DNMBP: variants seen among roughly 807,000 people sequenced by gnomAD.
The protein encoded by DNMBP is dynamin-binding protein.
DNMBP carries 87 observed loss-of-function variants against 150.0 expected under a neutral mutation model. The ratio of observed to expected loss-of-function variants is 0.58; its 90% CI spans 0.49 to 0.69. The LOEUF is 0.69. DNMBP is among the 30% of genes least tolerant of loss of function. The pLI is 0.00. For synonymous variants in DNMBP, 711 were observed against 750.4 expected (o/e 0.95, Z 0.86); for missense variants, 1,774 against 1,949.0 (o/e 0.91, Z 1.69).
intron 4 of DNMBP, among the ~76,000 whole-genome samples, chr10:99,946,201 A>G (rs888793744): frequency 1.3e-5 from 2 of 152,184 alleles, no homozygotes; most frequent in African/African-American, 4.8e-5. Flanking sequence ...CAAGTCATCC[A>G]TCCGCCTCGG....
In DNMBP at chr10:99,880,319, T is replaced by C. The variant is rs543958442; in HGVS notation, c.4040A>G (p.Asn1347Ser). Residue 1347 changes from asparagine (N) to serine (S), a missense_variant, in exon 16 of 17, where the codon AAT (asparagine) becomes AGT (serine). Asn to Ser is a conservative substitution (Grantham distance 46). Around this residue, in one of 2 missense-constraint regions of DNMBP, gnomAD observed 1,430 missense variants for 1,492.5 expected, o/e 0.96. Coordinates refer to ENST00000324109, the MANE Select transcript of DNMBP (RefSeq NM_015221.4). ...FVYSSFLKPYNPRRSHSDASV... is the reference protein window; with the variant it reads ...FVYSSFLKPYSPRRSHSDASV... ...GGCATCGGAGTGGCTGCGGCGAGGA[T>C]TGTAGGGCTTTAGGAAAGAGCTGTA... is the stretch of plus-strand genomic sequence containing the variant. 185 of 1,609,892 alleles carry C rather than the reference T, an allele frequency of 1.1e-4. No individual in the cohort carries two copies. Among genetic ancestry groups the C allele is most frequent in the Non-Finnish European group, 1.5e-4 (179 of 1,178,792 alleles).
chr10:99,898,435 T>C (rs2039691187), intron 8 of DNMBP, 150 bp from the exon 9 acceptor site: 4 of 725,494 alleles, frequency 5.5e-6, no homozygotes, highest in Admixed American at 2.2e-5. Context: ...AATATTGCTC[T>C]CTATTCTTTT....
chr10:99,989,303 G>C (rs1243154582), intron 1 of DNMBP, among the ~76,000 whole-genome samples: 1 of 152,204 alleles, frequency 6.6e-6, no homozygotes, highest in African/African-American at 2.4e-5. Context: ...CAGGCTTTCA[G>C]CCATTATTTT....
intron 4 of DNMBP, chr10:99,930,460 T>A (rs1449064461): frequency 1.4e-6 from 1 of 703,016 alleles, no homozygotes; most frequent in Non-Finnish European, 2.6e-6. Context: ...TTTTCTGGAC[T>A]CCTATAACCA....
At position 99,888,924 on chromosome 10, in the gene DNMBP, A is replaced by G; in HGVS notation, c.3186T>C (p.Ala1062=). ...CCATGCACACATCCCACATGCTCAC[A>G]GCAGCCACCACTTTCACACATGCGG... is the stretch of plus-strand genomic sequence containing the variant. ...RESACVKVVA[A]VSMWDVCMER... Residue 1062 remains alanine, a synonymous_variant, in exon 12 of 17, where the codon GCT becomes GCC. Coordinates refer to ENST00000324109, the MANE Select transcript of DNMBP (RefSeq NM_015221.4). 6.2e-7 allele frequency: 1 copy of G among 1,614,164 alleles called. No homozygotes were observed. Among genetic ancestry groups the G allele is most frequent in the Non-Finnish European group, 8.5e-7 (1 of 1,180,012 alleles).
chr10:99,915,894 C>A (rs2039960575), intron 4 of DNMBP, among the ~76,000 whole-genome samples: 1 of 152,156 alleles, frequency 6.6e-6, no homozygotes, highest in Non-Finnish European at 1.5e-5. Context: ...TTCAACCTAC[C>A]TTGGCTCCAG....
Position 99,879,833 on chromosome 10 carries a change from C to T in DNMBP, c.4526G>A (p.Gly1509Asp). Residue 1509 changes from glycine (G) to aspartate (D), a missense_variant, in exon 16 of 17, where the codon GGC (glycine) becomes GAC (aspartate). Physicochemically the swap from Gly to Asp is moderately conservative, Grantham distance 94. Around this residue, in one of 2 missense-constraint regions of DNMBP, gnomAD observed 1,430 missense variants for 1,492.5 expected, o/e 0.96. Transcript: ENST00000324109. Reference sequence around the variant, plus strand: ...CACCTGGTTGCCTTCTGCCTCACTGCCATCTGGCTCTGTACTTCTGTCTTC... The same window carrying T: ...CACCTGGTTGCCTTCTGCCTCACTGTCATCTGGCTCTGTACTTCTGTCTTC... The part of the protein sequence containing the change: ...APEDRSTEPD[G>D]SEAEGNQVYF... The T allele has an allele frequency of 6.2e-7, 1 of 1,614,200 alleles. No homozygotes were observed. Among genetic ancestry groups the T allele is most frequent in the Non-Finnish European group, 8.5e-7 (1 of 1,180,018 alleles).
chr10:99,893,974 T>A (rs945327916), intron 11 of DNMBP, among the ~76,000 whole-genome samples: 2 of 152,176 alleles, frequency 1.3e-5, no homozygotes, highest in South Asian at 2.1e-4. Flanking sequence ...AACTTTTTTT[T>A]TAAAAAAGTT....
rs865940701 is a variant in DNMBP at position 99,982,441 on chromosome 10, C to T, written c.-10-10307G>A. Among the ~76,000 whole-genome samples the T allele has an allele frequency of 2.3e-4, 35 of 151,554 alleles. No homozygotes were observed. The Middle Eastern group carries it at 0.01, about 44-fold the overall frequency. The stretch of plus-strand genomic sequence containing the variant: ...CCTGGGCAACAGAGCGAGACCCTGT[C>T]TCAAAAAATAAATAAATAAATAAAT... On this transcript the variant is annotated intron_variant, in intron 1 of 16. Transcript: ENST00000324109.
rs780193965 is a variant in DNMBP at position 99,880,133 on chromosome 10, G to A, written c.4226C>T (p.Pro1409Leu). 2.7e-5 allele frequency: 44 copies of A among 1,614,006 alleles called. No individual in the cohort carries two copies. Among genetic ancestry groups the A allele is most frequent in the Middle Eastern group, 1.6e-4 (1 of 6,084 alleles). Residue 1409 changes from proline (P) to leucine (L), a missense_variant, in exon 16 of 17, where the codon CCG (proline) becomes CTG (leucine). Transcript: ENST00000324109. ...AGTTCCTTGGTCACATTCTTTTGGC[G>A]GAGGAGATGCATCTTGAGGCTGCTT... ...CQKQPQDASPPPKECDQGTLS... is the reference protein window; with the variant it reads ...CQKQPQDASPLPKECDQGTLS...
chr10:99,897,912 C>CA (rs950770294), intron 9 of DNMBP, 174 bp downstream of exon 9: 43 of 615,156 alleles, frequency 7.0e-5, no homozygotes, highest in Admixed American at 3.0e-4. Context: ...GACTCTGTCT[C>CA]AAAAAAAATA....
intron 10 of DNMBP, among the ~76,000 whole-genome samples, 198 bp downstream of exon 10, chr10:99,896,069 T>C (rs940557026): frequency 2.0e-5 from 3 of 152,184 alleles, no homozygotes; most frequent in African/African-American, 7.2e-5. Context: ...AAAACTACCA[T>C]AATTATTACA....
At chr10:99,915,652 T>C (rs1185374021) in intron 4 of DNMBP, among the ~76,000 whole-genome samples, 2 of 152,052 alleles carry the variant, frequency 1.3e-5, no homozygotes, top group South Asian at 2.1e-4. Flanking sequence ...GAGGTTGAGG[T>C]TGCAGTGATC....
chr10:99,968,355 C>A (rs898430750), intron 3 of DNMBP, among the ~76,000 whole-genome samples: 2 of 152,052 alleles, frequency 1.3e-5, no homozygotes, highest in Admixed American at 6.6e-5. Flanking sequence ...CCTCCGCCCA[C>A]GCCCCGTATC....
intron 4 of DNMBP, chr10:99,930,743 A>G: frequency 1.5e-6 from 1 of 676,530 alleles, no homozygotes; most frequent in Non-Finnish European, 2.7e-6. Context: ...TTTCTTTTCT[A>G]GCCTTCTGGG....
rs2039340750 is a variant in DNMBP at position 99,880,054 on chromosome 10, A to G, written c.4305T>C (p.Pro1435=). The part of the protein sequence containing the change: ...SNSESSPSRC[P]SDPDSTSQPR... ...GCTGGGAGGTGGAGTCTGGGTCTGAAGGGCATCTGGAAGGACTACTCTCTG... is the reference window on the plus strand; with the variant it reads ...GCTGGGAGGTGGAGTCTGGGTCTGAGGGGCATCTGGAAGGACTACTCTCTG... Residue 1435 remains proline (P), a synonymous_variant, in exon 16 of 17, where the codon CCT becomes CCC. Transcript: ENST00000324109. 3 of 1,614,046 alleles carry G rather than the reference A, an allele frequency of 1.9e-6. No homozygotes were observed. The African/African-American group carries it at 4.0e-5, about 22-fold the overall frequency.
chr10:100,005,502 C>T (rs2041058368), intron 1 of DNMBP, among the ~76,000 whole-genome samples: 3 of 152,012 alleles, frequency 2.0e-5, no homozygotes, highest in Admixed American at 2.0e-4. Context: ...ACCTGTAATC[C>T]CAGTACTTTG....
Position 99,956,477 on chromosome 10 carries a change from C to T in DNMBP, c.997G>A (p.Gly333Arg). Residue 333 changes from glycine to arginine, a missense_variant, in exon 4 of 17, where the codon GGA becomes AGA. This residue lies in a region of DNMBP where 344 missense variants were observed against 456.6 expected (regional missense o/e 0.75). Transcript: ENST00000324109. ...TSLDCLENTL[G>R]VEEQRHETSD... ...GTTTCATGTCTTTGTTCCTCTACTC[C>T]TAAGGTGTTCTCCAAACAATCCAAA... 3 of 1,614,042 alleles carry T rather than the reference C, an allele frequency of 1.9e-6. No homozygotes were observed. The highest frequency in any genetic ancestry group is 4.5e-5 in the East Asian group (2 of 44,896).
chr10:99,988,560 G>A lies in DNMBP; in HGVS notation c.-10-16426C>T, dbSNP rs111641891. On this transcript the variant is annotated intron_variant, in intron 1 of 16. Coordinates refer to ENST00000324109, the MANE Select transcript of DNMBP (RefSeq NM_015221.4). ...GAATTCATACTAGCAACACTGAAAC[G>A]AGACAAAGATCAGTGCATCATTTAA... Among the ~76,000 whole-genome samples the A allele has an allele frequency of 2.6e-3, 399 of 152,242 alleles. 4 individuals are homozygous for A. The highest frequency in any genetic ancestry group is 8.2e-3 in the African/African-American group (340 of 41,550).
Sources: allele counts gnomAD v4.1 joint callset (sites outside exome capture counted in the v4.1 genomes callset), GRCh38; gene constraint gnomAD v4.1.1; regional missense constraint gnomAD v4.1.1; transcripts MANE v1.5; gene names NCBI Gene and HGNC (gene_info 2026-07-23, HGNC 2026-07-21).